TMPRSS15: variants seen among roughly 807,000 people sequenced by gnomAD.
TMPRSS15 encodes transmembrane serine protease 15, also known as enteropeptidase.
A neutral mutation model predicts 125.3 loss-of-function variants in TMPRSS15; 128 were observed. That is an observed-to-expected ratio of 1.02 (90% CI 0.89 to 1.18). TMPRSS15 has a LOEUF of 1.18. TMPRSS15 is among the 50% of genes most tolerant of loss of function. The pLI is 0.00. For synonymous variants in TMPRSS15, 446 were observed against 423.2 expected (o/e 1.05, Z -0.66); for missense variants, 1,283 against 1,212.7 (o/e 1.06, Z -0.86).
chr21:18,326,504 T>C lies in TMPRSS15; in HGVS notation c.1849A>G (p.Ile617Val), dbSNP rs1237521013. 5.0e-6 allele frequency: 8 copies of C among 1,614,058 alleles called. No individual in the cohort carries two copies. The highest frequency in any genetic ancestry group is 1.6e-4 in the Middle Eastern group (1 of 6,084). The stretch of plus-strand genomic sequence containing the variant: ...CCTCTTGCCAACACATCGTTAGTGA[T>C]GAGAAGCACAGTCATTCTGTTGGTG... ...STTNRMTVLL[I>V]TNDVLARGGF... Residue 617 changes from isoleucine (I) to valine (V), a missense_variant, in exon 16 of 25, where the codon ATC becomes GTC. By Grantham distance (29) the Ile-to-Val change is conservative. Coordinates refer to ENST00000284885, the MANE Select transcript of TMPRSS15 (RefSeq NM_002772.3).
intron 8 of TMPRSS15, among the ~76,000 whole-genome samples, chr21:18,357,830 T>C (rs779007526): frequency 1.8e-4 from 28 of 151,940 alleles, no homozygotes; most frequent in Non-Finnish European, 3.2e-4. Flanking sequence ...CACCAGACTT[T>C]GTGCTAGATG....
chr21:18,455,900 G>A (rs553106688), intron 1 of TMPRSS15, among the ~76,000 whole-genome samples: 5 of 152,218 alleles, frequency 3.3e-5, no homozygotes, highest in African/African-American at 9.6e-5. Context: ...GCATAGTATT[G>A]TATAGCAATC....
At chr21:18,354,099 G>GAT (rs1329535371) in intron 8 of TMPRSS15, among the ~76,000 whole-genome samples, 16 of 151,744 alleles carry the variant, frequency 1.1e-4, no homozygotes, top group African/African-American at 3.6e-4. Flanking sequence ...TGATAAAAAA[G>GAT]GTATTTTTAA....
At chr21:18,444,200 A>C (rs2076249803) in intron 1 of TMPRSS15, among the ~76,000 whole-genome samples, 1 of 152,244 alleles carries the variant, frequency 6.6e-6, no homozygotes. Context: ...ACCCAGCAGC[A>C]CTATTCACAA....
chr21:18,310,653 G>A (rs995231846), intron 18 of TMPRSS15, among the ~76,000 whole-genome samples: 4 of 151,452 alleles, frequency 2.6e-5, no homozygotes, highest in African/African-American at 7.3e-5. Flanking sequence ...TTAATGATAG[G>A]GATTTAATGC....
At chr21:18,373,854 T>G (rs2075815552) in intron 5 of TMPRSS15, among the ~76,000 whole-genome samples, 1 of 152,196 alleles carries the variant, frequency 6.6e-6, no homozygotes, top group Admixed American at 6.5e-5. Context: ...GATTAATCAT[T>G]TATTGACCCC....
chr21:18,278,884 A>G, intron 23 of TMPRSS15, 80 bp downstream of exon 23: 4 of 759,160 alleles, frequency 5.3e-6, no homozygotes, highest in Non-Finnish European at 8.8e-6. Flanking sequence ...TGTTGAAAGC[A>G]TTCACAGGAT....
At chr21:18,474,831 C>A (rs1237360973) in intron 1 of TMPRSS15, among the ~76,000 whole-genome samples, 2 of 152,116 alleles carry the variant, frequency 1.3e-5, no homozygotes, top group Non-Finnish European at 2.9e-5. Context: ...GCTACACAAA[C>A]CTGTCTTAAT....
At chr21:18,367,526 GTATA>G (rs72434978) in intron 6 of TMPRSS15, among the ~76,000 whole-genome samples, 38,541 of 151,888 alleles carry the variant, frequency 0.25, 5,035 homozygotes, top group Middle Eastern at 0.3. Context: ...ATTTTATGTG[GTATA>G]TAAAGCTTTT....
In TMPRSS15 at chr21:18,428,741, T is replaced by A. The variant is rs1026920178; in HGVS notation, c.11-30412A>T. ...CAGAATATGTATGGAAATACCTGGA[T>A]GTCCAGGCAGAAGTTTGCTGCAGGG... On this transcript the variant is annotated intron_variant, in intron 1 of 7. Transcript: ENST00000422787. Among the ~76,000 whole-genome samples the A allele has an allele frequency of 3.3e-5, 5 of 152,174 alleles. No homozygotes were observed. The South Asian group carries it at 8.3e-4, about 25-fold the overall frequency.
chr21:18,398,535 C>T (rs1045973907), intron 1 of TMPRSS15, among the ~76,000 whole-genome samples: 3 of 152,022 alleles, frequency 2.0e-5, no homozygotes, highest in Admixed American at 2.0e-4. Flanking sequence ...GAAACTAAAC[C>T]TTTTCTCCAT....
At chr21:18,307,819 A>T (rs2146926586) in intron 18 of TMPRSS15, among the ~76,000 whole-genome samples, 1 of 152,334 alleles carries the variant, frequency 6.6e-6, no homozygotes, top group African/African-American at 2.4e-5. Context: ...CTGTCAAAGT[A>T]AAGTGTTGAT....
intron 24 of TMPRSS15, among the ~76,000 whole-genome samples, chr21:18,271,192 T>G (rs2074551053): frequency 6.6e-6 from 1 of 152,244 alleles, no homozygotes; most frequent in Non-Finnish European, 1.5e-5. Flanking sequence ...GGACTGTGAT[T>G]TCTATTTCTG....
intron 1 of TMPRSS15, among the ~76,000 whole-genome samples, chr21:18,482,295 A>G (rs569925806): frequency 6.6e-6 from 1 of 151,666 alleles, no homozygotes; most frequent in African/African-American, 2.4e-5. Context: ...CAGAATTTTT[A>G]CACTTCTAAA....
At chr21:18,409,708 C>A in intron 1 of TMPRSS15, among the ~76,000 whole-genome samples, 1 of 152,066 alleles carries the variant, frequency 6.6e-6, no homozygotes. Context: ...TTGTCTTCAA[C>A]TCATTTATTA....
intron 6 of TMPRSS15, among the ~76,000 whole-genome samples, chr21:18,369,748 G>A (rs1281396101): frequency 6.6e-6 from 1 of 152,004 alleles, no homozygotes; most frequent in South Asian, 2.1e-4. Context: ...GATGGACAGT[G>A]GCTTTCAGGT....
chr21:18,381,697 A>T (rs1398174848), intron 4 of TMPRSS15, among the ~76,000 whole-genome samples: 3 of 152,310 alleles, frequency 2.0e-5, no homozygotes, highest in Admixed American at 1.3e-4. Flanking sequence ...CTTCCCCCAG[A>T]TGATCCAAAT....
intron 1 of TMPRSS15, among the ~76,000 whole-genome samples, chr21:18,451,104 T>A (rs1978333697): frequency 6.6e-6 from 1 of 152,196 alleles, no homozygotes; most frequent in African/African-American, 2.4e-5. Context: ...CCTCCTTTTT[T>A]ATTTCAGATG....
intron 1 of TMPRSS15, among the ~76,000 whole-genome samples, chr21:18,463,152 G>A (rs2122953656): frequency 1.3e-5 from 2 of 149,848 alleles, no homozygotes; most frequent in African/African-American, 2.5e-5. Flanking sequence ...AAGACCCATC[G>A]GGGTGCTGTA....
Sources: gnomAD v4.1 joint callset for allele counts (sites outside exome capture counted in the v4.1 genomes callset) on GRCh38, gnomAD v4.1.1 for gene constraint, MANE v1.5 for transcripts, NCBI Gene and HGNC (gene_info 2026-07-23, HGNC 2026-07-21) for gene names.